EEF1AKMT1: variants seen among roughly 807,000 people sequenced by gnomAD.
EEF1AKMT1 encodes N-6 adenine-specific DNA methyltransferase 2 (putative).
Under a neutral mutation model 21.0 loss-of-function variants are expected in EEF1AKMT1, and 18 were observed. The ratio of observed to expected loss-of-function variants is 0.86; its 90% CI spans 0.59 to 1.27. The LOEUF (loss-of-function observed/expected upper bound fraction) is 1.27. Ranked by LOEUF, EEF1AKMT1 falls within the 50% of genes most tolerant of loss-of-function variation. The probability of loss-of-function intolerance (pLI) is 0.00; values close to 1 mark genes in which losing one functional copy is unlikely to be tolerated. For synonymous variants in EEF1AKMT1, 109 were observed against 94.8 expected, an observed-to-expected ratio of 1.15 and a Z score of -0.87; for missense variants, 246 against 258.6, an observed-to-expected ratio of 0.95 and a Z score of 0.33.
At chr13:20,768,345 C>T (rs555172390) in intron 1 of EEF1AKMT1, among the ~76,000 whole-genome samples, 9 of 152,284 alleles carry the variant, frequency 5.9e-5, no homozygotes, top group Non-Finnish European at 1.3e-4. Flanking sequence ...ACTGATTACA[C>T]CCCACTACGG....
At chr13:20,773,528 G>A (rs1380943061) in intron 1 of EEF1AKMT1, among the ~76,000 whole-genome samples, 3 of 152,242 alleles carry the variant, frequency 2.0e-5, no homozygotes, top group Non-Finnish European at 4.4e-5. Context: ...GAACTTCTGA[G>A]GGCAAAGATG....
intron 2 of EEF1AKMT1, among the ~76,000 whole-genome samples, chr13:20,743,999 T>C (rs1469418035): frequency 6.6e-6 from 1 of 152,138 alleles, no homozygotes. Flanking sequence ...TCCACCTTCA[T>C]CCATATCCCT....
intron 2 of EEF1AKMT1, among the ~76,000 whole-genome samples, chr13:20,751,181 A>G (rs895839897): frequency 6.6e-6 from 1 of 152,154 alleles, no homozygotes; most frequent in Non-Finnish European, 1.5e-5. Flanking sequence ...TTTAAATATC[A>G]TAGAGTCCCA....
chr13:20,751,767 C>A (rs2058942173), intron 2 of EEF1AKMT1, among the ~76,000 whole-genome samples: 1 of 151,844 alleles, frequency 6.6e-6, no homozygotes, highest in Non-Finnish European at 1.5e-5. Context: ...TACGATTATT[C>A]TTTCAATCCG....
In EEF1AKMT1 at chr13:20,728,909, G is replaced by A. The variant is rs965177746; in HGVS notation, c.*171C>T. On this transcript the variant is annotated 3_prime_UTR_variant, in exon 5 of 5. Transcript: ENST00000382758. ...TGGCAGAAGACTGAGCTCTAGGGACGCCCTCCCTAAGGAAACAATAATGAA... is the reference window on the plus strand; with the variant it reads ...TGGCAGAAGACTGAGCTCTAGGGACACCCTCCCTAAGGAAACAATAATGAA... 8 of 778,668 alleles carry A rather than the reference G, an allele frequency of 1.0e-5. No individual in the cohort carries two copies. Among genetic ancestry groups the A allele is most frequent in the South Asian group, 7.2e-5 (4 of 55,234 alleles). The allele number at this position is 778,668 out of a possible 1,614,324, so 48.2% of individuals were successfully genotyped here.
chr13:20,744,860 T>A (rs1157251776), intron 2 of EEF1AKMT1, among the ~76,000 whole-genome samples: 2 of 152,212 alleles, frequency 1.3e-5, no homozygotes, highest in Non-Finnish European at 2.9e-5. Context: ...TTAATTTTTT[T>A]ATAAGGTGTA....
At chr13:20,739,163 C>G (rs1595015193) in intron 2 of EEF1AKMT1, among the ~76,000 whole-genome samples, 2 of 151,486 alleles carry the variant, frequency 1.3e-5, no homozygotes, top group South Asian at 2.1e-4. Flanking sequence ...TTCCTCCCAT[C>G]CGAAGTTGTT....
At chr13:20,767,586 A>G (rs2059042038) in intron 1 of EEF1AKMT1, among the ~76,000 whole-genome samples, 1 of 151,788 alleles carries the variant, frequency 6.6e-6, no homozygotes, top group Non-Finnish European at 1.5e-5. Flanking sequence ...TTTCTTTTCT[A>G]ATGGTTTTTA....
At chr13:20,739,178 G>C (rs2058851661) in intron 2 of EEF1AKMT1, among the ~76,000 whole-genome samples, 1 of 139,998 alleles carries the variant, frequency 7.1e-6, no homozygotes, top group African/African-American at 3.1e-5. Context: ...GTTGTTCTTT[G>C]CTCCCAGTGG....
At chr13:20,765,041 C>CACG (rs1433018292) in intron 1 of EEF1AKMT1, among the ~76,000 whole-genome samples, 1 of 152,040 alleles carries the variant, frequency 6.6e-6, no homozygotes, top group East Asian at 1.9e-4. Context: ...GCGGGTGGAT[C>CACG]ACGAGGTCAG....
At chr13:20,757,834 T>C (rs919372608) in intron 1 of EEF1AKMT1, among the ~76,000 whole-genome samples, 4 of 152,176 alleles carry the variant, frequency 2.6e-5, no homozygotes, top group Non-Finnish European at 5.9e-5. Flanking sequence ...GGGAAGGACA[T>C]GTCTCATTAT....
chr13:20,743,406 C>T (rs144231953), intron 2 of EEF1AKMT1, among the ~76,000 whole-genome samples: 15 of 151,396 alleles, frequency 9.9e-5, no homozygotes, highest in Middle Eastern at 3.4e-3. Context: ...TTTAATCCAC[C>T]TTGACTTTAA....
At chr13:20,743,443 A>AT (rs914824072) in intron 2 of EEF1AKMT1, among the ~76,000 whole-genome samples, 14 of 147,828 alleles carry the variant, frequency 9.5e-5, no homozygotes, top group African/African-American at 2.0e-4. Context: ...TAAAGATTGA[A>AT]TTTTTTTTTC....
chr13:20,748,715 G>GGTTTGTTTTTTTT (rs1555326495), intron 2 of EEF1AKMT1, among the ~76,000 whole-genome samples: 48 of 105,844 alleles, frequency 4.5e-4, no homozygotes, highest in African/African-American at 1.7e-3. Context: ...ATGTATAGTT[G>GGTTTGTTTTTTTT]TTTTTTTTTG....
At chr13:20,765,419 T>TTTC (rs1256547736) in intron 1 of EEF1AKMT1, among the ~76,000 whole-genome samples, 2 of 131,742 alleles carry the variant, frequency 1.5e-5, no homozygotes, top group African/African-American at 5.8e-5. Context: ...TTTTTTTTTT[T>TTTC]TTTTTTTTTT....
At chr13:20,739,354 G>A (rs763283626) in intron 2 of EEF1AKMT1, among the ~76,000 whole-genome samples, 20 of 152,286 alleles carry the variant, frequency 1.3e-4, no homozygotes, top group Non-Finnish European at 2.5e-4. Flanking sequence ...GAGGGTTGCC[G>A]CCGCTAAGCA....
chr13:20,744,802 T>G (rs75169438), intron 2 of EEF1AKMT1, among the ~76,000 whole-genome samples: 114,905 of 152,010 alleles, frequency 0.76, 45,028 homozygotes, highest in East Asian at 1. Context: ...TCCTCTAGGG[T>G]TTTTATGATT....
At chr13:20,743,346 C>T (rs536505167) in intron 2 of EEF1AKMT1, among the ~76,000 whole-genome samples, 28 of 152,140 alleles carry the variant, frequency 1.8e-4, no homozygotes, top group Middle Eastern at 3.4e-3. Context: ...GGATTATAAG[C>T]GTGAGCCAAC....
chr13:20,773,526 G>T (rs1350975719), intron 1 of EEF1AKMT1, among the ~76,000 whole-genome samples: 1 of 152,230 alleles, frequency 6.6e-6, no homozygotes, highest in African/African-American at 2.4e-5. Flanking sequence ...GCGAACTTCT[G>T]AGGGCAAAGA....
Sources: allele counts gnomAD v4.1 joint callset (sites outside exome capture counted in the v4.1 genomes callset), GRCh38; gene constraint gnomAD v4.1.1; transcripts MANE v1.5; gene names NCBI Gene and HGNC (gene_info 2026-07-23, HGNC 2026-07-21).